PABPC1L: variants seen among roughly 807,000 people sequenced by gnomAD.
PABPC1L encodes poly(A) binding protein cytoplasmic 1 like.
PABPC1L carries 31 observed loss-of-function variants against 66.6 expected under a neutral mutation model. The ratio of observed to expected loss-of-function variants is 0.47; its 90% CI spans 0.35 to 0.63. The LOEUF (loss-of-function observed/expected upper bound fraction) is 0.63. PABPC1L is among the 20% of genes least tolerant of loss of function. The pLI is 0.00. For missense variants in PABPC1L, 722 were observed against 848.8 expected, an observed-to-expected ratio of 0.85 and a Z score of 1.86; for synonymous variants, 348 against 335.1, an observed-to-expected ratio of 1.04 and a Z score of -0.42.
intron 12 of PABPC1L, 130 bp downstream of exon 12, chr20:44,936,860 G>A (rs915568582): frequency 1.1e-6 from 1 of 931,108 alleles, no homozygotes; most frequent in Non-Finnish European, 1.7e-6. Flanking sequence ...CCCCCCTACT[G>A]GGTGACCGTG....
At chr20:44,921,446 A>T in intron 5 of PABPC1L, 148 bp from the exon 6 acceptor site, 1 of 1,166,392 alleles carries the variant, frequency 8.6e-7, no homozygotes, top group South Asian at 1.5e-5. Context: ...AAGTGGGTAT[A>T]CTTAAATGGC....
At chr20:44,925,834 A>G (rs1291823164) in intron 7 of PABPC1L, among the ~76,000 whole-genome samples, 1 of 152,232 alleles carries the variant, frequency 6.6e-6, no homozygotes, top group Non-Finnish European at 1.5e-5. Context: ...TTTGATGTAG[A>G]AACATGGTTG....
At chr20:44,929,776 C>T (rs1357694106) in intron 7 of PABPC1L, among the ~76,000 whole-genome samples, 7 of 146,416 alleles carry the variant, frequency 4.8e-5, no homozygotes, top group Non-Finnish European at 5.9e-5. Flanking sequence ...GCCTGAGTGA[C>T]AGAGTGAAAC....
In PABPC1L at chr20:44,924,268, G is replaced by T; in HGVS notation, c.972+12G>T. The stretch of plus-strand genomic sequence containing the variant: ...TTACCAGTGCGAAGGTGAGGACTGG[G>T]GGCACCTCCGGGGGACAGCGTTCCC... On this transcript the variant is annotated intron_variant, in intron 7 of 14. Transcript: ENST00000217073. 6.3e-7 allele frequency: 1 copy of T among 1,583,564 alleles called. No individual in the cohort carries two copies. Among genetic ancestry groups the T allele is most frequent in the Non-Finnish European group, 8.7e-7 (1 of 1,152,468 alleles).
intron 5 of PABPC1L, among the ~76,000 whole-genome samples, chr20:44,921,368 G>A (rs917587552): frequency 7.9e-5 from 12 of 152,030 alleles, no homozygotes; most frequent in Admixed American, 2.6e-4. Context: ...GGCTGGTCTC[G>A]AATTCCTGAC....
chr20:44,921,001 T>TG (rs968082298), intron 5 of PABPC1L, among the ~76,000 whole-genome samples: 2 of 130,038 alleles, frequency 1.5e-5, no homozygotes, highest in Non-Finnish European at 3.3e-5. Flanking sequence ...TTAGTAGAGA[T>TG]GGGGTTTCAC....
chr20:44,919,189 T>C lies in PABPC1L; in HGVS notation c.650T>C (p.Met217Thr). 1.9e-6 allele frequency: 3 copies of C among 1,614,006 alleles called. No homozygotes were observed. The South Asian group carries it at 3.3e-5, about 18-fold the overall frequency. ...LQDLFSQFGK[M>T]LSVKVMRDNS... is the part of the protein sequence containing the mutation. ...CCAGGTTGGTCCTTTGCAGGGAAAA[T>C]GCTGAGTGTGAAGGTGATGAGGGAC... The change falls in exon 5 of 15, where the codon ATG (methionine) becomes ACG (threonine). Residue 217 changes from methionine to threonine, a missense_variant. Around this residue, in one of 3 missense-constraint regions of PABPC1L, gnomAD observed 137 missense variants for 216.8 expected, o/e 0.63. Coordinates refer to ENST00000217073, the MANE Select transcript of PABPC1L (RefSeq NM_001372179.1).
intron 7 of PABPC1L, among the ~76,000 whole-genome samples, chr20:44,924,907 A>AT (rs1244100405): frequency 2.5e-4 from 36 of 145,002 alleles, no homozygotes; most frequent in South Asian, 6.4e-4. Flanking sequence ...TGGGCTTTTT[A>AT]TTTTTTTTTT....
At chr20:44,931,041 CTCCCTTCCCTTCCCTTCCCT>C (rs1334947066) in intron 8 of PABPC1L, among the ~76,000 whole-genome samples, 1 of 55,902 alleles carries the variant, frequency 1.8e-5, no homozygotes, top group Non-Finnish European at 3.6e-5. Flanking sequence ...CCTCCCTTCC[CTCCCTTCCCTTCCCTTCCCT>C]TCCCTCCCTC....
At position 44,919,187 on chromosome 20, in the gene PABPC1L, A is replaced by G. The variant is rs771175174; in HGVS notation, c.648A>G (p.Lys216=). The G allele has an allele frequency of 6.2e-7, 1 of 1,614,102 alleles. No homozygotes were observed. The highest frequency in any genetic ancestry group is 1.7e-5 in the Admixed American group (1 of 60,010). The change falls in exon 5 of 15, where the codon AAA becomes AAG. Residue 216 remains lysine (K), a synonymous_variant. Transcript: ENST00000217073. The part of the protein sequence containing the change: ...GLQDLFSQFG[K]MLSVKVMRDN... ...AGCCAGGTTGGTCCTTTGCAGGGAA[A>G]ATGCTGAGTGTGAAGGTGATGAGGG...
chr20:44,929,912 C>T lies in PABPC1L; in HGVS notation c.973-548C>T, dbSNP rs2145574280. Among the ~76,000 whole-genome samples, 4 of 152,214 alleles carry T rather than the reference C, an allele frequency of 2.6e-5. No homozygotes were observed. The South Asian group carries it at 8.3e-4, about 32-fold the overall frequency. On this transcript the variant is annotated intron_variant, in intron 7 of 14. Coordinates refer to ENST00000217073, the MANE Select transcript of PABPC1L (RefSeq NM_001372179.1). ...TTAACAAAAAGGCTAAGAACCTCTTCCCCAAATTCCTAAAGAACTTGGCTT... is the reference window on the plus strand; with the variant it reads ...TTAACAAAAAGGCTAAGAACCTCTTTCCCAAATTCCTAAAGAACTTGGCTT...
chr20:44,924,220 A>G lies in PABPC1L; in HGVS notation c.936A>G (p.Lys312=), dbSNP rs779386585. The change falls in exon 7 of 15, where the codon AAA becomes AAG. Residue 312 remains lysine (K), a synonymous_variant. Transcript: ENST00000217073. The part of the protein sequence containing the change: ...DDSIDDDKLR[K]EFSPYGVITS... ...CCATTGATGACGACAAACTGAGGAA[A>G]GAGTTCTCTCCCTATGGAGTAATTA... 2.5e-6 allele frequency: 4 copies of G among 1,614,068 alleles called. No individual in the cohort carries two copies. Among genetic ancestry groups the G allele is most frequent in the Non-Finnish European group, 1.7e-6 (2 of 1,179,930 alleles).
chr20:44,919,770 T>G (rs984352261), intron 5 of PABPC1L, among the ~76,000 whole-genome samples: 1 of 152,066 alleles, frequency 6.6e-6, no homozygotes, highest in Non-Finnish European at 1.5e-5. Context: ...ACTGCTTGAG[T>G]TCAGTTCGAG....
At chr20:44,937,067 G>A in intron 12 of PABPC1L, 1 of 482,050 alleles carries the variant, frequency 2.1e-6, no homozygotes, top group Non-Finnish European at 4.2e-6. Context: ...TGGCTTGTAG[G>A]TGGGGGGTTA....
At chr20:44,916,664 G>A (rs2066739577) in intron 2 of PABPC1L, 92 bp from the exon 3 acceptor site, 3 of 1,177,350 alleles carry the variant, frequency 2.5e-6, no homozygotes. Flanking sequence ...GGCACAGCAG[G>A]CATGCAGAGA....
At position 44,930,468 on chromosome 20, in the gene PABPC1L, A is replaced by G. The variant is rs753987524; in HGVS notation, c.981A>G (p.Thr327=). The change falls in exon 8 of 15, where the codon ACA becomes ACG. Residue 327 remains threonine, a synonymous_variant. Coordinates refer to ENST00000217073, the MANE Select transcript of PABPC1L (RefSeq NM_001372179.1). ...TCTTGTCTTGCTTTTAGGTGATGAC[A>G]GAGGGTGGCCACAGCAAGGGGTTTG... ...YGVITSAKVM[T]EGGHSKGFGF... 53 of 1,613,302 alleles carry G rather than the reference A, an allele frequency of 3.3e-5. No individual in the cohort carries two copies. The highest frequency in any genetic ancestry group is 4.3e-5 in the Non-Finnish European group (51 of 1,179,432).
chr20:44,912,644 T>C lies in PABPC1L; in HGVS notation c.194-16T>C. On this transcript the variant is annotated splice_polypyrimidine_tract_variant and intron_variant, in intron 1 of 14. Transcript: ENST00000217073. ...TCCCTAAACTTGCTAATTTCTCTCC[T>C]CTTCCTTCTGTCCAGCGGAGCGGGC... 1.3e-6 allele frequency: 2 copies of C among 1,591,048 alleles called. No individual in the cohort carries two copies. Among genetic ancestry groups the C allele is most frequent in the South Asian group, 1.1e-5 (1 of 89,710 alleles).
chr20:44,916,718 T>C, intron 2 of PABPC1L, 38 bp from the exon 3 acceptor site: 1 of 1,595,576 alleles, frequency 6.3e-7, no homozygotes, highest in Non-Finnish European at 8.6e-7. Flanking sequence ...CTGAACCCTC[T>C]GTCAGTACTC....
Position 44,936,682 on chromosome 20 carries a change from G to A in PABPC1L, c.1612G>A (p.Ala538Thr), listed in dbSNP as rs766713659. The change falls in exon 12 of 15, where the codon GCG becomes ACG. Residue 538 changes from alanine (A) to threonine (T), a missense_variant. This residue lies in a region of PABPC1L where 301 missense variants were observed against 337.2 expected (regional missense o/e 0.89). Transcript: ENST00000217073. ...CATCCCAGGACAGGAGCCCCTGACC[G>A]CGTCCATGCTGGCTGCGGCGCCCCT... is the stretch of plus-strand genomic sequence containing the variant. ...VHIPGQEPLT[A>T]SMLAAAPLHE... 18 of 1,608,210 alleles carry A rather than the reference G, an allele frequency of 1.1e-5. No homozygotes were observed. The highest frequency in any genetic ancestry group is 4.5e-5 in the East Asian group (2 of 44,672).
Sources: gnomAD v4.1 joint callset for allele counts (sites outside exome capture counted in the v4.1 genomes callset) on GRCh38, gnomAD v4.1.1 for gene constraint, gnomAD v4.1.1 regional missense constraint, MANE v1.5 for transcripts, NCBI Gene and HGNC (gene_info 2026-07-23, HGNC 2026-07-21) for gene names.